Variants in TANC2 observed in about 807,000 individuals in gnomAD.
TANC2 encodes the protein protein TANC2.
A neutral mutation model predicts 210.5 loss-of-function variants in TANC2; 26 were observed. The ratio of observed to expected loss-of-function variants is 0.12; its 90% CI spans 0.09 to 0.17. TANC2 has a LOEUF of 0.17. Among genes scored for constraint, TANC2 ranks in the 10% least tolerant of loss-of-function variants. The pLI is 1.00. For synonymous variants in TANC2, 931 were observed against 967.1 expected, an observed-to-expected ratio of 0.96 and a Z score of 0.69; for missense variants, 2,129 against 2,608.9, an observed-to-expected ratio of 0.82 and a Z score of 4.01.
intron 9 of TANC2, among the ~76,000 whole-genome samples, chr17:63,312,444 TA>T (rs1438694099): frequency 6.6e-6 from 1 of 152,182 alleles, no homozygotes; most frequent in Non-Finnish European, 1.5e-5. Context: ...GTCATTATCC[TA>T]AGTGAATTAA....
chr17:63,099,505 TC>T, intron 4 of TANC2, 148 bp downstream of exon 4: 1 of 388,784 alleles, frequency 2.6e-6, no homozygotes, highest in Non-Finnish European at 4.5e-6. Context: ...AAAAAAAAAC[TC>T]CAACTGATTT....
At chr17:63,122,221 T>C (rs1290015109) in intron 4 of TANC2, among the ~76,000 whole-genome samples, 1 of 152,186 alleles carries the variant, frequency 6.6e-6, no homozygotes, top group Non-Finnish European at 1.5e-5. Context: ...AGTCCTACAA[T>C]AAAGGGAACT....
At chr17:63,416,868 T>C (rs755175229) in intron 26 of TANC2, among the ~76,000 whole-genome samples, 3 of 152,184 alleles carry the variant, frequency 2.0e-5, no homozygotes, top group Non-Finnish European at 2.9e-5. Context: ...GGAGACAGAT[T>C]TTCATGCTCT....
intron 7 of TANC2, among the ~76,000 whole-genome samples, chr17:63,216,729 T>C (rs775012436): frequency 1.3e-4 from 20 of 152,144 alleles, no homozygotes; most frequent in Non-Finnish European, 2.8e-4. Context: ...ACACATATGG[T>C]ATCAGAAGTG....
chr17:63,394,069 G>A (rs1441514458), intron 17 of TANC2, among the ~76,000 whole-genome samples: 1 of 152,162 alleles, frequency 6.6e-6, no homozygotes, highest in Admixed American at 6.5e-5. Context: ...ACCATGCCCA[G>A]CCACTGCAAT....
At chr17:63,242,522 T>C (rs1380974571) in intron 8 of TANC2, among the ~76,000 whole-genome samples, 1 of 152,082 alleles carries the variant, frequency 6.6e-6, no homozygotes, top group Non-Finnish European at 1.5e-5. Flanking sequence ...CATTTGCAGA[T>C]TGCGGTATCC....
intron 4 of TANC2, among the ~76,000 whole-genome samples, chr17:63,099,765 G>A (rs183032930): frequency 2.0e-5 from 3 of 152,054 alleles, no homozygotes; most frequent in Admixed American, 1.3e-4. Context: ...ATTTGAAATT[G>A]CTATTTGTAT....
chr17:63,415,793 C>T, intron 26 of TANC2, 119 bp downstream of exon 26: 1 of 1,189,608 alleles, frequency 8.4e-7, no homozygotes. Context: ...CTTGGTTGTC[C>T]TTCACAGAGC....
At chr17:63,135,978 T>C (rs2039077046) in intron 4 of TANC2, among the ~76,000 whole-genome samples, 1 of 152,186 alleles carries the variant, frequency 6.6e-6, no homozygotes, top group African/African-American at 2.4e-5. Context: ...GCAAAAATAA[T>C]AAAATAGGTA....
chr17:63,077,986 A>T (rs2036631955), intron 3 of TANC2, among the ~76,000 whole-genome samples: 1 of 152,092 alleles, frequency 6.6e-6, no homozygotes, highest in Non-Finnish European at 1.5e-5. Context: ...TAATGTCTTT[A>T]TCTGGTTTTA....
intron 2 of TANC2, among the ~76,000 whole-genome samples, chr17:63,041,209 T>C (rs952419368): frequency 1.3e-5 from 2 of 152,260 alleles, no homozygotes; most frequent in African/African-American, 4.8e-5. Flanking sequence ...AACAAATCTC[T>C]CATTTGTACT....
At chr17:63,371,738 T>C (rs969700483) in intron 14 of TANC2, among the ~76,000 whole-genome samples, 2 of 152,200 alleles carry the variant, frequency 1.3e-5, no homozygotes, top group African/African-American at 4.8e-5. Flanking sequence ...ATATTTTGTG[T>C]GAAACAACTG....
chr17:63,089,191 G>T (rs996796206), intron 3 of TANC2: 2 of 152,196 alleles, frequency 1.3e-5, no homozygotes, highest in Admixed American at 6.6e-5. Context: ...GAAGACCCTG[G>T]GACAGAGCAT....
chr17:63,427,497 C>G (rs2049172195), exon 28 of TANC2: 1 of 152,272 alleles, frequency 6.6e-6, no homozygotes, highest in African/African-American at 2.4e-5. Flanking sequence ...ACAGAGGCAT[C>G]TACCCCTGTG....
At chr17:63,202,008 TTAAAG>T (rs999263915) in intron 7 of TANC2, among the ~76,000 whole-genome samples, 2 of 152,164 alleles carry the variant, frequency 1.3e-5, no homozygotes, top group African/African-American at 4.8e-5. Flanking sequence ...CTAGAAAATA[TTAAAG>T]TATTGTGATT....
At chr17:63,016,217 G>C (rs996954058) in intron 2 of TANC2, among the ~76,000 whole-genome samples, 2 of 152,018 alleles carry the variant, frequency 1.3e-5, no homozygotes, top group Admixed American at 1.3e-4. Flanking sequence ...TTTCCAATTA[G>C]AAAAAAATTT....
chr17:63,037,291 A>G (rs1200343991), intron 2 of TANC2, among the ~76,000 whole-genome samples: 1 of 152,052 alleles, frequency 6.6e-6, no homozygotes, highest in East Asian at 1.9e-4. Flanking sequence ...GGAAGGGATG[A>G]TTTACATCCT....
At chr17:63,173,768 G>A (rs2040487915) in intron 5 of TANC2, among the ~76,000 whole-genome samples, 1 of 152,026 alleles carries the variant, frequency 6.6e-6, no homozygotes, top group Non-Finnish European at 1.5e-5. Context: ...ACTGTTCTAA[G>A]AATATGTATG....
intron 2 of TANC2, among the ~76,000 whole-genome samples, chr17:63,043,426 T>A (rs949202859): frequency 1.6e-4 from 24 of 152,244 alleles, no homozygotes; most frequent in Non-Finnish European, 2.5e-4. Context: ...TACATAATGA[T>A]GCTGATTTAA....
Sources: gnomAD v4.1 joint callset for allele counts (sites outside exome capture counted in the v4.1 genomes callset) on GRCh38, gnomAD v4.1.1 for gene constraint, MANE v1.5 for transcripts, NCBI Gene and HGNC (gene_info 2026-07-23, HGNC 2026-07-21) for gene names.